The following CHLSN variants were observed in gnomAD, a reference collection of about 807,000 sequenced individuals.
CHLSN encodes protein cholesin.
At chr7:1,120,186 T>A in the CHLSN span, among the ~76,000 whole-genome samples, 5 of 152,192 alleles carry the variant, frequency 3.3e-5, no homozygotes, top group African/African-American at 1.2e-4. Context: ...TAAAACCACA[T>A]ACTCAGTATG....
chr7:984,631 G>C, the CHLSN span: 1 of 1,510,832 alleles, frequency 6.6e-7, no homozygotes, highest in Admixed American at 2.3e-5. Context: ...CTGGACCCCA[G>C]GAGGGGTGGG....
At chr7:1,096,699 C>T in the CHLSN span, among the ~76,000 whole-genome samples, 1 of 152,198 alleles carries the variant, frequency 6.6e-6, no homozygotes, top group African/African-American at 2.4e-5. This position sits in a 1 kb window ranked among gnomAD's most constrained non-coding sequence, Gnocchi z 4.6. Flanking sequence ...ATGGGAAAAA[C>T]CCCCGTGTTA....
chr7:1,036,087 C>T, the CHLSN span, among the ~76,000 whole-genome samples: 7 of 152,162 alleles, frequency 4.6e-5, no homozygotes, highest in South Asian at 2.1e-4. Context: ...GAAAGGGTTC[C>T]GTGGTGGTCA....
At chr7:1,092,210 G>A in the CHLSN span, 5 of 1,612,926 alleles carry the variant, frequency 3.1e-6, no homozygotes, top group Non-Finnish European at 3.4e-6. Context: ...GCCCTGGCCA[G>A]GGCCATGCGC....
chr7:1,071,595 T>C, the CHLSN span, among the ~76,000 whole-genome samples: 2 of 151,990 alleles, frequency 1.3e-5, no homozygotes, highest in Non-Finnish European at 2.9e-5. Flanking sequence ...CCACTGTGAG[T>C]CTTCATAGAA....
At chr7:1,131,132 A>T in the CHLSN span, among the ~76,000 whole-genome samples, 2 of 148,520 alleles carry the variant, frequency 1.3e-5, no homozygotes, top group African/African-American at 5.1e-5. Context: ...TCGAGGCTGC[A>T]GTGAGCCATG....
chr7:1,091,505 C>T, the CHLSN span: 28 of 527,870 alleles, frequency 5.3e-5, no homozygotes, highest in African/African-American at 3.0e-4. Flanking sequence ...CTCGCCTCCA[C>T]GGATGCACCA....
the CHLSN span, among the ~76,000 whole-genome samples, chr7:1,105,901 A>G: frequency 6.6e-6 from 1 of 152,248 alleles, no homozygotes; most frequent in Non-Finnish European, 1.5e-5. Context: ...TTAAAAGACC[A>G]TGTATAAATC....
At chr7:1,055,597 AG>A in the CHLSN span, 1 of 374,262 alleles carries the variant, frequency 2.7e-6, no homozygotes. Flanking sequence ...GAGAGGACGC[AG>A]GGGGTTCTGT....
At chr7:1,098,631 G>A in the CHLSN span, among the ~76,000 whole-genome samples, 9 of 151,044 alleles carry the variant, frequency 6.0e-5, no homozygotes, top group African/African-American at 1.2e-4. Context: ...GAGCTGCCAC[G>A]CTCAGTGAGA....
chr7:1,019,412 G>A, the CHLSN span, among the ~76,000 whole-genome samples: 2 of 152,230 alleles, frequency 1.3e-5, no homozygotes, highest in Non-Finnish European at 1.5e-5. Context: ...GGTCAATGCT[G>A]GAAGGGGCAG....
chr7:1,119,750 G>A, the CHLSN span, among the ~76,000 whole-genome samples: 1 of 152,138 alleles, frequency 6.6e-6, no homozygotes, highest in Non-Finnish European at 1.5e-5. Flanking sequence ...GGTGGCACAT[G>A]CCTGTAATTC....
the CHLSN span, among the ~76,000 whole-genome samples, chr7:1,001,854 A>T: frequency 3.1e-5 from 1 of 32,136 alleles, no homozygotes; most frequent in Non-Finnish European, 5.5e-5. Context: ...CCTGTGGGTG[A>T]GTGGAGTCCT....
At chr7:1,107,579 G>A in the CHLSN span, among the ~76,000 whole-genome samples, 1 of 152,216 alleles carries the variant, frequency 6.6e-6, no homozygotes, top group Admixed American at 6.5e-5. Context: ...CAAAAGCTCA[G>A]TCAACAAGAC....
the CHLSN span, among the ~76,000 whole-genome samples, chr7:1,085,858 G>A: frequency 4.6e-5 from 7 of 151,786 alleles, no homozygotes; most frequent in East Asian, 1.9e-4. Context: ...TTTAAAAATC[G>A]GCAAAAGGTC....
At chr7:1,060,924 C>T in the CHLSN span, among the ~76,000 whole-genome samples, 30 of 152,280 alleles carry the variant, frequency 2.0e-4, no homozygotes, top group African/African-American at 7.0e-4. Flanking sequence ...CGGCTGGCGC[C>T]GTCAGCCCAA....
the CHLSN span, among the ~76,000 whole-genome samples, chr7:1,084,770 C>T: frequency 5.8e-4 from 89 of 152,314 alleles, no homozygotes; most frequent in Admixed American, 1.2e-3. Context: ...TCACACAGCA[C>T]GTGGGGTGAG....
chr7:1,124,353 G>GA, the CHLSN span, among the ~76,000 whole-genome samples: 7 of 151,604 alleles, frequency 4.6e-5, no homozygotes, highest in Non-Finnish European at 1.0e-4. Flanking sequence ...GGGAGAGCCA[G>GA]AAGCCTCTTG....
chr7:1,101,611 G>A, the CHLSN span, among the ~76,000 whole-genome samples: 90 of 152,296 alleles, frequency 5.9e-4, 1 homozygote, highest in African/African-American at 1.9e-3. Flanking sequence ...ATCAGCCTCC[G>A]CGCAGCCGCC....
Sources: gnomAD v4.1 joint callset for allele counts (sites outside exome capture counted in the v4.1 genomes callset) on GRCh38, gnomAD v4.1.1 for gene constraint, Gnocchi (gnomAD v3.1) non-coding constraint, MANE v1.5 for transcripts, NCBI Gene and HGNC (gene_info 2026-07-23, HGNC 2026-07-21) for gene names.